The following NSD2 variants were observed in gnomAD, a reference collection of about 807,000 sequenced individuals.
NSD2 encodes histone-lysine N-methyltransferase NSD2.
A neutral mutation model predicts 139.0 loss-of-function variants in NSD2; 12 were observed. That is an observed-to-expected ratio of 0.09 (90% confidence interval 0.06 to 0.14). The LOEUF (loss-of-function observed/expected upper bound fraction) is 0.14. NSD2 is among the 10% of genes least tolerant of loss of function. NSD2 has a pLI of 1.00. For synonymous variants in NSD2, 669 were observed against 648.7 expected (o/e 1.03, Z -0.48); for missense variants, 1,155 against 1,745.0 (o/e 0.66, Z 6.02).
At chr4:1,932,226 C>T (rs1226205527) in intron 6 of NSD2, among the ~76,000 whole-genome samples, 2 of 151,970 alleles carry the variant, frequency 1.3e-5, no homozygotes, top group Non-Finnish European at 2.9e-5. Flanking sequence ...CACTTGAGGC[C>T]AGGAATTCAA....
chr4:1,941,433 G>A, intron 9 of NSD2: 4 of 1,047,804 alleles, frequency 3.8e-6, no homozygotes, highest in Admixed American at 5.5e-5. Context: ...AATGCATGAG[G>A]CCAGTGTAGC....
intron 9 of NSD2, chr4:1,944,821 A>G: frequency 1.9e-6 from 2 of 1,063,342 alleles, no homozygotes; most frequent in Non-Finnish European, 2.3e-6. Context: ...CAAAAATTAA[A>G]TGTCTTTTTT....
rs1396658298 is a variant in NSD2, at chr4:1,974,254, A to G, written c.3373-609A>G. Among the ~76,000 whole-genome samples, 1 of 150,412 alleles carries G rather than the reference A, an allele frequency of 6.6e-6. No individual in the cohort carries two copies. Among genetic ancestry groups the G allele is most frequent in the African/African-American group, 2.5e-5 (1 of 40,750 alleles). ...AGACGGAGTTTTGCTTTTGTTGCCC[A>G]GGCTGGAGTGCAGTGGCGCGATCTC... On this transcript the variant is annotated intron_variant, in intron 18 of 21. Coordinates refer to ENST00000508803, the MANE Select transcript of NSD2 (RefSeq NM_001042424.3). This position sits in a 1 kb window ranked among gnomAD's most constrained non-coding sequence, Gnocchi z 4.0.
rs1726768301 is a variant in NSD2 at position 1,973,862 on chromosome 4, G to A, written c.3373-1001G>A. 6.6e-6 allele frequency among the ~76,000 whole-genome samples: 1 copy of A among 152,262 alleles called. No homozygotes were observed. Among genetic ancestry groups the A allele is most frequent in the South Asian group, 2.1e-4 (1 of 4,836 alleles). On this transcript the variant is annotated intron_variant, in intron 18 of 21. Transcript: ENST00000508803. The surrounding 1 kb of genome is among the most constrained non-coding windows in gnomAD (Gnocchi z 5.5). ...TGATTTCTCCCCACGCGGTTGTGCG[G>A]TGGATCTGGCGGCTCCTCAGGTGGA...
intron 1 of NSD2, among the ~76,000 whole-genome samples, chr4:1,889,396 T>C (rs1244256101): frequency 6.6e-6 from 1 of 152,080 alleles, no homozygotes; most frequent in African/African-American, 2.4e-5. Flanking sequence ...GTTCTTGCTA[T>C]GTTGCCCAAG....
At position 1,975,664 on chromosome 4, in the gene NSD2, C is replaced by T. The variant is rs75304584; in HGVS notation, c.3621+264C>T. 9.3e-3 allele frequency: 3,727 copies of T among 400,970 alleles called. 105 individuals carry two copies. Among genetic ancestry groups the T allele is most frequent in the African/African-American group, 0.068 (3,371 of 49,332 alleles). The allele number at this position is 400,970 out of a possible 1,614,324, so 24.8% of individuals were successfully genotyped here. A position where few individuals can be genotyped will look rare whatever the true frequency, so the allele number is the denominator to read the frequency against. Reference sequence around the variant, plus strand: ...TCGCAGTTCTGGGTGTGGGCAGGGCCGTGCGCCCTCTGAAGGTTCCTTGGG... The same window carrying T: ...TCGCAGTTCTGGGTGTGGGCAGGGCTGTGCGCCCTCTGAAGGTTCCTTGGG... On this transcript the variant is annotated intron_variant, in intron 20 of 21. Transcript: ENST00000508803.
Position 1,907,615 on chromosome 4 carries a change from C to CTTTTTTTTTT in NSD2, c.760+3251_760+3260dup, listed in dbSNP as rs765535552. On this transcript the variant is annotated intron_variant, in intron 3 of 21. Coordinates refer to ENST00000508803, the MANE Select transcript of NSD2 (RefSeq NM_001042424.3). ...ACATCTTGTTCTACCTGTTGAATCT[C>CTTTTTTTTTT]TTTTTTTTTTTTTTTTTTTTTTTGT... is the stretch of plus-strand genomic sequence containing the variant. Among the ~76,000 whole-genome samples the CTTTTTTTTTT allele has an allele frequency of 4.3e-5, 4 of 93,632 alleles. 1 individual carries two copies. Among genetic ancestry groups the CTTTTTTTTTT allele is most frequent in the African/African-American group, 4.1e-5 (1 of 24,460 alleles). 61.4% of individuals were successfully genotyped at this position (93,632 alleles called of 152,430 possible).
rs1454981586 is a variant in NSD2, at chr4:1,950,975, G to C, written c.1882-97G>C. The stretch of plus-strand genomic sequence containing the variant: ...AGGACCAGTGCTGAGAAAGACTGGT[G>C]GGTGGTGGGGTGGGGCGGGACGAGC... On this transcript the variant is annotated intron_variant, in intron 9 of 21. Coordinates refer to ENST00000508803, the MANE Select transcript of NSD2 (RefSeq NM_001042424.3). 3.3e-6 allele frequency: 5 copies of C among 1,498,274 alleles called. No homozygotes were observed. In the African/African-American group the frequency reaches 6.9e-5, roughly 21 times the overall value. The allele number at this position is 1,498,274 out of a possible 1,614,324, so 92.8% of individuals were successfully genotyped here.
intron 6 of NSD2, 65 bp downstream of exon 6, chr4:1,930,835 T>C (rs371674866): frequency 3.9e-6 from 6 of 1,526,890 alleles, no homozygotes; most frequent in Non-Finnish European, 5.3e-6. Flanking sequence ...CAAGCTGAGC[T>C]CTGATCTTGG....
intron 9 of NSD2, chr4:1,945,738 T>G: frequency 9.4e-7 from 1 of 1,064,064 alleles, no homozygotes; most frequent in Non-Finnish European, 1.1e-6. Context: ...CAGCAGAGGC[T>G]CCTCTGATGG....
chr4:1,973,264 A>G lies in NSD2; in HGVS notation c.3373-1599A>G, dbSNP rs1726685541. ...CAACCCACAGATGAAAACTGGCCCG[A>G]TAAGAAGGAAGTGGCACTGGGCCCC... On this transcript the variant is annotated intron_variant, in intron 18 of 21. Coordinates refer to ENST00000508803, the MANE Select transcript of NSD2 (RefSeq NM_001042424.3). The surrounding 1 kb of genome is among the most constrained non-coding windows in gnomAD (Gnocchi z 5.5). 1.3e-5 allele frequency among the ~76,000 whole-genome samples: 2 copies of G among 152,226 alleles called. No homozygotes were observed. Among genetic ancestry groups the G allele is most frequent in the Non-Finnish European group, 2.9e-5 (2 of 68,036 alleles).
intron 1 of NSD2, among the ~76,000 whole-genome samples, chr4:1,894,570 G>T (rs1371045109): frequency 1.3e-5 from 2 of 151,984 alleles, no homozygotes; most frequent in Non-Finnish European, 2.9e-5. Context: ...TAATTGGGAG[G>T]CTGAGGTGGG....
chr4:1,878,014 A>G (rs1470501482), intron 1 of NSD2, among the ~76,000 whole-genome samples: 1 of 151,910 alleles, frequency 6.6e-6, no homozygotes, highest in Admixed American at 6.6e-5. Context: ...GGGTGGCAGT[A>G]AGACTCTGTC....
At chr4:1,907,615 C>CTTTTTTTTTTT (rs765535552) in intron 3 of NSD2, among the ~76,000 whole-genome samples, 7 of 93,654 alleles carry the variant, frequency 7.5e-5, no homozygotes, top group African/African-American at 8.2e-5. Flanking sequence ...TGTTGAATCT[C>CTTTTTTTTTTT]TTTTTTTTTT....
At position 1,955,371 on chromosome 4, in the gene NSD2, G is replaced by A. The variant is rs747003542; in HGVS notation, c.2518+31G>A. The A allele has an allele frequency of 2.2e-5, 35 of 1,584,958 alleles. No individual in the cohort carries two copies. The highest frequency in any genetic ancestry group is 2.1e-4 in the Middle Eastern group (1 of 4,674). ...GGGCCTGGGGGTGTCTGCGGCACAC[G>A]CCTCTCACACTCCCAGGAGCCACAT... On this transcript the variant is annotated intron_variant, in intron 13 of 21. Coordinates refer to ENST00000508803, the MANE Select transcript of NSD2 (RefSeq NM_001042424.3). This position sits in a 1 kb window ranked among gnomAD's most constrained non-coding sequence, Gnocchi z 4.7.
At position 1,976,554 on chromosome 4, in the gene NSD2, G is replaced by A. The variant is rs773694055; in HGVS notation, c.3701G>A (p.Gly1234Glu). 2.5e-6 allele frequency: 4 copies of A among 1,613,776 alleles called. No individual in the cohort carries two copies. ...AGGCGGCGCAGAGCAAAAGGGGAAG[G>A]GAAGAGGCAGTCAGAGGACGAGTGC... is the stretch of plus-strand genomic sequence containing the variant. The part of the protein sequence containing the change: ...KTRRRRAKGE[G>E]KRQSEDECFR... Residue 1234 changes from glycine to glutamate, a missense_variant, in exon 21 of 22, where the codon GGG (glycine) becomes GAG (glutamate). Gly to Glu is a moderately conservative substitution (Grantham distance 98). This residue lies in a region of NSD2 where 39 missense variants were observed against 43.5 expected (regional missense o/e 0.90). Transcript: ENST00000508803. The surrounding 1 kb of genome is among the most constrained non-coding windows in gnomAD (Gnocchi z 5.3).
At chr4:1,913,081 A>G (rs1265932659) in intron 3 of NSD2, among the ~76,000 whole-genome samples, 12 of 152,268 alleles carry the variant, frequency 7.9e-5, no homozygotes, top group Admixed American at 7.8e-4. Context: ...TATTATAACA[A>G]TCTCTGTTCT....
chr4:1,887,533 TGGCAC>T (rs1385418594), intron 1 of NSD2: 1 of 152,188 alleles, frequency 6.6e-6, no homozygotes, highest in African/African-American at 2.4e-5. Flanking sequence ...GAGAGTACAG[TGGCAC>T]GATCATAGCT....
chr4:1,951,839 G>A (rs1279542424), intron 10 of NSD2, among the ~76,000 whole-genome samples: 4 of 152,226 alleles, frequency 2.6e-5, no homozygotes, highest in African/African-American at 7.2e-5. Context: ...GAAATATCTT[G>A]GATGTATCCT....
Sources: gnomAD v4.1 joint callset for allele counts (sites outside exome capture counted in the v4.1 genomes callset) on GRCh38, gnomAD v4.1.1 for gene constraint, gnomAD v4.1.1 regional missense constraint, Gnocchi (gnomAD v3.1) non-coding constraint, MANE v1.5 for transcripts, NCBI Gene and HGNC (gene_info 2026-07-23, HGNC 2026-07-21) for gene names.